OGDH: variants seen among roughly 807,000 people sequenced by gnomAD.
The protein encoded by OGDH is oxoglutarate dehydrogenase.
A neutral mutation model predicts 116.6 loss-of-function variants in OGDH; 38 were observed. The observed-to-expected ratio is 0.33, with a 90% CI of 0.25 to 0.43. The LOEUF is 0.43. Among genes scored for constraint, OGDH ranks in the 20% least tolerant of loss-of-function variants. OGDH has a pLI of 1.00. For missense variants in OGDH, 825 were observed against 1,357.2 expected (o/e 0.61, Z 6.16); for synonymous variants, 488 against 533.3 (o/e 0.92, Z 1.17).
rs1789199384 is a variant in OGDH at position 44,708,797 on chromosome 7, C to A, written c.*798C>A. The A allele has an allele frequency of 6.6e-6, 1 of 152,220 alleles. No homozygotes were observed. The highest frequency in any genetic ancestry group is 1.5e-5 in the Non-Finnish European group (1 of 68,082). 9.4% of individuals were successfully genotyped at this position (152,220 alleles called of 1,614,324 possible). On this transcript the variant is annotated 3_prime_UTR_variant, in exon 23 of 23. Transcript: ENST00000222673. Reference sequence around the variant, plus strand: ...CACCTCCTCTCTTGGACTCCCTCCCCACCCCAACCACTCTTTCTTTCTCCT... The same window carrying A: ...CACCTCCTCTCTTGGACTCCCTCCCAACCCCAACCACTCTTTCTTTCTCCT...
rs1255084384 is a variant in OGDH, at chr7:44,606,661, T to G, written c.-28+8T>G. The G allele has an allele frequency of 6.6e-6, 1 of 152,234 alleles. No homozygotes were observed. The highest frequency in any genetic ancestry group is 1.9e-4 in the East Asian group (1 of 5,184). The allele number at this position is 152,234 out of a possible 1,614,324, so 9.4% of individuals were successfully genotyped here. A position where few individuals can be genotyped will look rare whatever the true frequency, so the allele number is the denominator to read the frequency against. ...GAGCTGAGCCGGAGACAGGTAACCG[T>G]GCGCTGTCGCCGCGCCCGTCCCAGT... On this transcript the variant is annotated splice_region_variant and intron_variant, in intron 1 of 22. Transcript: ENST00000222673.
intron 20 of OGDH, among the ~76,000 whole-genome samples, chr7:44,704,731 G>A (rs964297357): frequency 6.6e-6 from 1 of 151,898 alleles, no homozygotes; most frequent in Non-Finnish European, 1.5e-5. Flanking sequence ...TTTTTTCCGA[G>A]ATGGAGTCTT....
chr7:44,682,295 G>A (rs936360312), intron 10 of OGDH, among the ~76,000 whole-genome samples: 2 of 151,836 alleles, frequency 1.3e-5, no homozygotes, highest in Non-Finnish European at 2.9e-5. Flanking sequence ...TGAGGCAGGA[G>A]AATTGCTTGA....
chr7:44,626,681 T>C (rs1326576078), intron 2 of OGDH, among the ~76,000 whole-genome samples: 2 of 152,202 alleles, frequency 1.3e-5, no homozygotes, highest in African/African-American at 4.8e-5. Flanking sequence ...CCTGTTGCCA[T>C]CATAGCTGCT....
chr7:44,610,748 A>G (rs1353542949), intron 1 of OGDH, among the ~76,000 whole-genome samples: 4 of 152,112 alleles, frequency 2.6e-5, no homozygotes, highest in Non-Finnish European at 5.9e-5. Context: ...CTGGGACTAC[A>G]GCCGCGTGCC....
At position 44,696,422 on chromosome 7, in the gene OGDH, C is replaced by T; in HGVS notation, c.1772-7C>T. ...ATGTCATGCCTCAGTTGTTCTTCTT[C>T]TCCTAGGCTTCTTCACCCTGGACGG... On this transcript the variant is annotated splice_polypyrimidine_tract_variant and splice_region_variant and intron_variant, in intron 13 of 22. Transcript: ENST00000222673. 2 of 1,610,794 alleles carry T rather than the reference C, an allele frequency of 1.2e-6. No individual in the cohort carries two copies. Among genetic ancestry groups the T allele is most frequent in the African/African-American group, 2.7e-5 (2 of 74,878 alleles).
chr7:44,691,716 G>A (rs1788372278), intron 10 of OGDH, among the ~76,000 whole-genome samples: 2 of 151,778 alleles, frequency 1.3e-5, no homozygotes, highest in Non-Finnish European at 2.9e-5. Context: ...AGTGGCTCAC[G>A]CCTGTAATCC....
chr7:44,654,656 C>A (rs1166879084), intron 4 of OGDH, among the ~76,000 whole-genome samples: 2 of 152,166 alleles, frequency 1.3e-5, no homozygotes, highest in Non-Finnish European at 2.9e-5. Context: ...AAGCTAAGAA[C>A]ATAACCAGGG....
intron 10 of OGDH, among the ~76,000 whole-genome samples, chr7:44,684,851 G>C (rs574438475): frequency 1.3e-5 from 2 of 151,696 alleles, no homozygotes; most frequent in Non-Finnish European, 2.9e-5. Context: ...GTGCAGTGGC[G>C]TGATCTTGGC....
intron 5 of OGDH, among the ~76,000 whole-genome samples, chr7:44,673,195 ATC>A (rs1787545885): frequency 6.6e-6 from 1 of 152,100 alleles, no homozygotes; most frequent in South Asian, 2.1e-4. Context: ...GTGAGACCTC[ATC>A]TCTCCAAAAA....
chr7:44,647,615 C>A, intron 3 of OGDH, 42 bp from the exon 4 acceptor site: 1 of 1,588,434 alleles, frequency 6.3e-7, no homozygotes, highest in Non-Finnish European at 8.6e-7. Context: ...TTCTTCTGTC[C>A]TTTTGTGTGT....
At position 44,694,677 on chromosome 7, in the gene OGDH, A is replaced by G. The variant is rs895391185; in HGVS notation, c.1668+101A>G. Reference sequence around the variant, plus strand: ...GTTCTCACTTTTGCCAGTTATGAGGATACACGTGAGAGGATGTGAAATATT... The same window carrying G: ...GTTCTCACTTTTGCCAGTTATGAGGGTACACGTGAGAGGATGTGAAATATT... On this transcript the variant is annotated intron_variant, in intron 12 of 22. Coordinates refer to ENST00000222673, the MANE Select transcript of OGDH (RefSeq NM_002541.4). This position sits in a 1 kb window ranked among gnomAD's most constrained non-coding sequence, Gnocchi z 4.2. 3.7e-6 allele frequency: 5 copies of G among 1,342,912 alleles called. No individual in the cohort carries two copies. Among genetic ancestry groups the G allele is most frequent in the Non-Finnish European group, 5.2e-6 (5 of 956,270 alleles). The allele number at this position is 1,342,912 out of a possible 1,614,324, so 83.2% of individuals were successfully genotyped here. A position where few individuals can be genotyped will look rare whatever the true frequency, so the allele number is the denominator to read the frequency against.
At chr7:44,672,898 C>G (rs953475095) in intron 5 of OGDH, among the ~76,000 whole-genome samples, 2 of 152,110 alleles carry the variant, frequency 1.3e-5, no homozygotes, top group Admixed American at 1.3e-4. Flanking sequence ...GCCTCAGCCT[C>G]CCAAAGTGCT....
At chr7:44,672,644 G>GTTTTTTTTTTTTTTTTTTTT (rs539935339) in intron 5 of OGDH, among the ~76,000 whole-genome samples, 1 of 134,030 alleles carries the variant, frequency 7.5e-6, no homozygotes, top group Non-Finnish European at 1.6e-5. Flanking sequence ...TTTGTTTTTT[G>GTTTTTTTTTTTTTTTTTTTT]TTTTTTTTTT....
intron 10 of OGDH, among the ~76,000 whole-genome samples, chr7:44,691,060 T>A (rs1048897055): frequency 6.6e-6 from 1 of 152,204 alleles, no homozygotes; most frequent in African/African-American, 2.4e-5. Context: ...TTTCTTTATC[T>A]CTTTACTGCT....
At chr7:44,651,615 G>A (rs1299847240) in intron 4 of OGDH, among the ~76,000 whole-genome samples, 2 of 152,176 alleles carry the variant, frequency 1.3e-5, no homozygotes, top group South Asian at 2.1e-4. Flanking sequence ...AGGCTGGAGT[G>A]CAATGGCACC....
chr7:44,628,952 C>G (rs1785312222), intron 2 of OGDH, among the ~76,000 whole-genome samples: 2 of 152,124 alleles, frequency 1.3e-5, no homozygotes. Context: ...ACCTTTGGTC[C>G]TGTCCTAGAC....
At chr7:44,686,535 C>T (rs991572060) in intron 10 of OGDH, among the ~76,000 whole-genome samples, 1 of 152,002 alleles carries the variant, frequency 6.6e-6, no homozygotes, top group African/African-American at 2.4e-5. Flanking sequence ...ATGCTGGCCT[C>T]GTGAAATGTT....
chr7:44,693,709 A>G, intron 10 of OGDH, 116 bp from the exon 11 acceptor site: 1 of 748,992 alleles, frequency 1.3e-6, no homozygotes, highest in Non-Finnish European at 2.0e-6. Context: ...ATTTTGGGGT[A>G]CGTACTCAGA....
Sources: gnomAD v4.1 joint callset for allele counts (sites outside exome capture counted in the v4.1 genomes callset) on GRCh38, gnomAD v4.1.1 for gene constraint, Gnocchi (gnomAD v3.1) non-coding constraint, MANE v1.5 for transcripts, NCBI Gene and HGNC (gene_info 2026-07-23, HGNC 2026-07-21) for gene names.